The following PCCB variants were observed in gnomAD, a reference collection of about 807,000 sequenced individuals.
PCCB encodes propionyl-CoA carboxylase beta chain, mitochondrial.
PCCB carries 43 observed loss-of-function variants against 60.7 expected under a neutral mutation model. That is an observed-to-expected ratio of 0.71 (90% CI 0.55 to 0.91). The LOEUF (loss-of-function observed/expected upper bound fraction) is 0.91, where lower values mean the gene tolerates loss of function less well. PCCB is among the 40% of genes least tolerant of loss of function. PCCB has a pLI of 0.00. For missense variants in PCCB, 766 were observed against 702.8 expected (o/e 1.09, Z -1.02); for synonymous variants, 276 against 255.9 (o/e 1.08, Z -0.75).
At chr3:136,285,201 C>A (rs1281741105) in intron 6 of PCCB, among the ~76,000 whole-genome samples, 1 of 152,104 alleles carries the variant, frequency 6.6e-6, no homozygotes, top group Non-Finnish European at 1.5e-5. Flanking sequence ...GCTGGTGCTA[C>A]CCCCATTCTC....
At chr3:136,284,122 TG>T (rs1303011025) in intron 6 of PCCB, among the ~76,000 whole-genome samples, 175 bp downstream of exon 6, 1 of 152,192 alleles carries the variant, frequency 6.6e-6, no homozygotes, top group Non-Finnish European at 1.5e-5. Flanking sequence ...CTGTAGCTTG[TG>T]GGGGTTCAGT....
rs1934452268 is a variant in PCCB, at chr3:136,306,438, A to G, written c.966+5327A>G. Among the ~76,000 whole-genome samples the G allele has an allele frequency of 2.4e-5, 3 of 122,530 alleles. 1 individual carries two copies. The highest frequency in any genetic ancestry group is 3.6e-5 in the Non-Finnish European group (2 of 54,938). 80.4% of individuals were successfully genotyped at this position (122,530 alleles called of 152,430 possible). A position where few individuals can be genotyped will look rare whatever the true frequency, so the allele number is the denominator to read the frequency against. On this transcript the variant is annotated intron_variant, in intron 9 of 14. Coordinates refer to ENST00000251654, the MANE Select transcript of PCCB (RefSeq NM_000532.5). ...GGTGCTCAAAGGAGAATGTATTTCA[A>G]TGAAAATTTAATAAGGAACATTAAA...
chr3:136,318,208 G>C (rs1015044732), intron 10 of PCCB, among the ~76,000 whole-genome samples: 3 of 152,052 alleles, frequency 2.0e-5, no homozygotes, highest in African/African-American at 7.3e-5. Flanking sequence ...AGCTGGGCGT[G>C]GTGGCACGTG....
intron 2 of PCCB, chr3:136,256,292 C>T (rs1234600624): frequency 1.7e-6 from 1 of 573,096 alleles, no homozygotes; most frequent in African/African-American, 1.9e-5. Context: ...GAAGTGGTGG[C>T]CCTGGGTCTT....
intron 6 of PCCB, among the ~76,000 whole-genome samples, chr3:136,285,362 T>TA (rs1560011295): frequency 6.6e-6 from 1 of 152,152 alleles, no homozygotes; most frequent in East Asian, 1.9e-4. Context: ...CCTTTCTCTT[T>TA]AGTATCTTCA....
chr3:136,263,479 G>T (rs1941886959), intron 5 of PCCB, among the ~76,000 whole-genome samples: 1 of 151,138 alleles, frequency 6.6e-6, no homozygotes, highest in African/African-American at 2.4e-5. Flanking sequence ...GCCATGCTGC[G>T]CAGGCTTATC....
chr3:136,273,239 G>T (rs1560005181), intron 5 of PCCB, among the ~76,000 whole-genome samples: 2 of 152,118 alleles, frequency 1.3e-5, no homozygotes, highest in Non-Finnish European at 2.9e-5. Context: ...CTGTCATACA[G>T]TCTATCTTGG....
intron 6 of PCCB, among the ~76,000 whole-genome samples, chr3:136,289,145 AC>A (rs1933561759): frequency 1.3e-5 from 2 of 152,150 alleles, no homozygotes; most frequent in African/African-American, 4.8e-5. Flanking sequence ...GGCATGAGAC[AC>A]TGTGCCCAGC....
intron 5 of PCCB, among the ~76,000 whole-genome samples, chr3:136,268,011 A>G (rs1418601007): frequency 2.5e-5 from 3 of 118,774 alleles, no homozygotes; most frequent in Non-Finnish European, 4.8e-5. Flanking sequence ...CAATGGCGCT[A>G]TCTCAGGGAT....
chr3:136,263,920 G>A (rs1941897515), intron 5 of PCCB, among the ~76,000 whole-genome samples: 1 of 151,588 alleles, frequency 6.6e-6, no homozygotes, highest in African/African-American at 2.4e-5. Context: ...GCTGAGGTGG[G>A]ACAACTGCTT....
intron 10 of PCCB, among the ~76,000 whole-genome samples, chr3:136,317,319 T>C (rs1365481288): frequency 7.3e-6 from 1 of 136,200 alleles, no homozygotes; most frequent in Non-Finnish European, 1.5e-5. Flanking sequence ...CCTCCCAGGG[T>C]CAAGCAGTCC....
chr3:136,275,497 G>T (rs1942313177), intron 5 of PCCB, among the ~76,000 whole-genome samples: 2 of 152,130 alleles, frequency 1.3e-5, no homozygotes, highest in South Asian at 4.1e-4. Flanking sequence ...GGGTATGATA[G>T]AACCCTGTTT....
intron 5 of PCCB, among the ~76,000 whole-genome samples, chr3:136,273,785 G>A (rs1439732400): frequency 2.0e-5 from 3 of 149,948 alleles, no homozygotes; most frequent in African/African-American, 7.3e-5. Flanking sequence ...GGTGGCGGGT[G>A]CCTGTAGTCC....
chr3:136,282,995 C>T (rs1488454370), intron 5 of PCCB, among the ~76,000 whole-genome samples: 2 of 152,204 alleles, frequency 1.3e-5, no homozygotes, highest in African/African-American at 4.8e-5. Context: ...TTTCTGAACT[C>T]TTCACTCTGC....
At chr3:136,263,114 C>T (rs939642509) in intron 5 of PCCB, among the ~76,000 whole-genome samples, 1 of 151,676 alleles carries the variant, frequency 6.6e-6, no homozygotes, top group South Asian at 2.1e-4. Context: ...GCCACCACGC[C>T]CAGCTAATTT....
chr3:136,282,198 G>A (rs73863332), intron 5 of PCCB, among the ~76,000 whole-genome samples: 4 of 152,278 alleles, frequency 2.6e-5, no homozygotes, highest in Admixed American at 6.5e-5. Context: ...TGTTGGCTGG[G>A]GGATTATAGC....
chr3:136,326,367 T>A, intron 10 of PCCB: 1 of 702,908 alleles, frequency 1.4e-6, no homozygotes, highest in Admixed American at 2.0e-5. Flanking sequence ...TAGGAGGCAG[T>A]ATCGTCCCTA....
chr3:136,327,395 C>T, intron 12 of PCCB, 140 bp downstream of exon 12: 8 of 762,842 alleles, frequency 1.0e-5, no homozygotes, highest in Non-Finnish European at 1.9e-5. Flanking sequence ...GGATGTTGTT[C>T]CCAGCCCCGC....
chr3:136,327,367 C>G, intron 12 of PCCB, 112 bp downstream of exon 12: 1 of 824,146 alleles, frequency 1.2e-6, no homozygotes, highest in Non-Finnish European at 2.1e-6. Flanking sequence ...CTTGCTCATC[C>G]TTAAAAAGAT....
Sources: allele counts gnomAD v4.1 joint callset (sites outside exome capture counted in the v4.1 genomes callset), GRCh38; gene constraint gnomAD v4.1.1; transcripts MANE v1.5; gene names NCBI Gene and HGNC (gene_info 2026-07-23, HGNC 2026-07-21).